Variants in WSCD2 observed in about 807,000 individuals in gnomAD.
WSCD2 encodes the protein WSC domain sialate O sulfotransferase 2, also known as sialate:O-sulfotransferase 2.
A neutral mutation model predicts 55.7 loss-of-function variants in WSCD2; 28 were observed. The ratio of observed to expected loss-of-function variants is 0.50; its 90% CI spans 0.37 to 0.69. WSCD2 has a LOEUF of 0.69. Ranked by LOEUF, WSCD2 falls within the 30% of genes least tolerant of loss-of-function variation. The pLI is 0.00. For missense variants in WSCD2, 616 were observed against 762.1 expected, an observed-to-expected ratio of 0.81 and a Z score of 2.26; for synonymous variants, 301 against 301.9, an observed-to-expected ratio of 1.00 and a Z score of 0.03.
At chr12:108,232,225 C>T (rs1263153179) in intron 6 of WSCD2, among the ~76,000 whole-genome samples, 1 of 152,172 alleles carries the variant, frequency 6.6e-6, no homozygotes, top group Non-Finnish European at 1.5e-5. Flanking sequence ...TTTTCTCTAG[C>T]CCTCAGTTTT....
intron 1 of WSCD2, among the ~76,000 whole-genome samples, chr12:108,151,923 C>T (rs975432293): frequency 6.6e-6 from 1 of 152,226 alleles, no homozygotes; most frequent in African/African-American, 2.4e-5. Flanking sequence ...TCTCTCAGCT[C>T]CCTCCCAGCC....
intron 2 of WSCD2, among the ~76,000 whole-genome samples, chr12:108,202,646 G>T (rs1171965397): frequency 6.6e-6 from 1 of 152,214 alleles, no homozygotes; most frequent in Admixed American, 6.5e-5. Context: ...AGTGGGAGCT[G>T]AGTGATGAGA....
Position 108,248,009 on chromosome 12 carries a change from G to T in WSCD2, c.1364G>T (p.Arg455Met), listed in dbSNP as rs1263371018. 3 of 1,612,744 alleles carry T rather than the reference G, an allele frequency of 1.9e-6. No individual in the cohort carries two copies. Among genetic ancestry groups the T allele is most frequent in the Non-Finnish European group, 2.5e-6 (3 of 1,178,942 alleles). The stretch of plus-strand genomic sequence containing the variant: ...TCTGCAGAGTGGCCAGAGTTCGTGA[G>T]GAACTATGCCCCGTGGTGGGCCACT... ...WKGKEWPEFV[R>M]NYAPWWATHT... is the part of the protein sequence containing the mutation. Residue 455 changes from arginine (R) to methionine (M), a missense_variant, in exon 9 of 9, where the codon AGG becomes ATG. Around this residue, in one of 3 missense-constraint regions of WSCD2, gnomAD observed 234 missense variants for 264.6 expected, o/e 0.88. Coordinates refer to ENST00000547525, the MANE Select transcript of WSCD2 (RefSeq NM_014653.4). This position sits in a 1 kb window ranked among gnomAD's most constrained non-coding sequence, Gnocchi z 4.3.
chr12:108,216,178 C>T (rs1378273538), intron 4 of WSCD2, among the ~76,000 whole-genome samples: 1 of 152,114 alleles, frequency 6.6e-6, no homozygotes, highest in African/African-American at 2.4e-5. Context: ...GGGTCAAATC[C>T]CAGCTCTGCT....
chr12:108,237,457 C>T (rs930082673), intron 7 of WSCD2, among the ~76,000 whole-genome samples: 3 of 152,198 alleles, frequency 2.0e-5, no homozygotes, highest in Non-Finnish European at 4.4e-5. Flanking sequence ...GATGCTGGAT[C>T]CTGGGTGTTA....
chr12:108,216,686 T>C (rs1199374190), intron 4 of WSCD2, among the ~76,000 whole-genome samples: 2 of 152,208 alleles, frequency 1.3e-5, no homozygotes, highest in Admixed American at 1.3e-4. Flanking sequence ...AGGTCTCTAG[T>C]GAGGACAATG....
intron 3 of WSCD2, among the ~76,000 whole-genome samples, chr12:108,208,258 A>T (rs1470412948): frequency 6.6e-6 from 1 of 152,256 alleles, no homozygotes; most frequent in Non-Finnish European, 1.5e-5. Flanking sequence ...TATAACAGTT[A>T]AAAAGCACTT....
chr12:108,152,869 A>G (rs971123794), intron 1 of WSCD2, among the ~76,000 whole-genome samples: 1 of 152,180 alleles, frequency 6.6e-6, no homozygotes, highest in South Asian at 2.1e-4. Flanking sequence ...GAGAGAAGCC[A>G]AGGTGGGCAG....
At chr12:108,158,261 G>A (rs1323464164) in intron 1 of WSCD2, among the ~76,000 whole-genome samples, 2 of 152,216 alleles carry the variant, frequency 1.3e-5, no homozygotes, top group Non-Finnish European at 2.9e-5. Context: ...AGAGGCGTGG[G>A]TGATAGCAGC....
intron 1 of WSCD2, among the ~76,000 whole-genome samples, chr12:108,157,389 G>A (rs1331242398): frequency 6.6e-6 from 1 of 152,080 alleles, no homozygotes; most frequent in Non-Finnish European, 1.5e-5. Flanking sequence ...CAGTCTTTGG[G>A]TTTTGACAAG....
At chr12:108,134,695 T>A (rs1875989637) in intron 1 of WSCD2, among the ~76,000 whole-genome samples, 1 of 152,218 alleles carries the variant, frequency 6.6e-6, no homozygotes, top group African/African-American at 2.4e-5. Flanking sequence ...CAGAGGTGCA[T>A]AATGAACACC....
intron 1 of WSCD2, among the ~76,000 whole-genome samples, chr12:108,187,919 C>T (rs1362579460): frequency 6.6e-6 from 1 of 152,132 alleles, no homozygotes; most frequent in Non-Finnish European, 1.5e-5. Context: ...CCATAGTGGC[C>T]CACCCTGACC....
intron 2 of WSCD2, among the ~76,000 whole-genome samples, chr12:108,204,672 C>T (rs1885112153): frequency 6.6e-6 from 1 of 152,210 alleles, no homozygotes; most frequent in African/African-American, 2.4e-5. Context: ...GGAGATGATG[C>T]TTCTTTTAAA....
At chr12:108,137,564 C>G (rs143764393) in intron 1 of WSCD2, among the ~76,000 whole-genome samples, 2 of 152,174 alleles carry the variant, frequency 1.3e-5, no homozygotes, top group Non-Finnish European at 2.9e-5. Flanking sequence ...TACAAAACTA[C>G]GAAGCATGGA....
chr12:108,244,845 T>C (rs542052009), intron 8 of WSCD2, among the ~76,000 whole-genome samples: 2 of 152,154 alleles, frequency 1.3e-5, no homozygotes, highest in Non-Finnish European at 2.9e-5. Context: ...GCTCTATTTT[T>C]TCTTTTTAAA....
rs912701807 is a variant in WSCD2 at position 108,250,013 on chromosome 12, A to G, written c.*1670A>G. 2 of 152,594 alleles carry G rather than the reference A, an allele frequency of 1.3e-5. No homozygotes were observed. The highest frequency in any genetic ancestry group is 4.8e-5 in the African/African-American group (2 of 41,460). 9.5% of individuals were successfully genotyped at this position (152,594 alleles called of 1,614,324 possible). On this transcript the variant is annotated 3_prime_UTR_variant, in exon 9 of 9. Coordinates refer to ENST00000547525, the MANE Select transcript of WSCD2 (RefSeq NM_014653.4). ...CTCTCTCTGGGAGACTCTTGGTCCA[A>G]GACCTGGGTCAGTTCTTTGCTGGTG...
rs983023794 is a variant in WSCD2 at position 108,250,280 on chromosome 12, G to A, written c.*1937G>A. The A allele has an allele frequency of 7.2e-5, 11 of 152,054 alleles. No individual in the cohort carries two copies. Among genetic ancestry groups the A allele is most frequent in the Non-Finnish European group, 2.9e-5 (2 of 68,050 alleles). 9.4% of individuals were successfully genotyped at this position (152,054 alleles called of 1,614,324 possible). ...GACAGAGAGAGAGACAAGAAACAGAGATAGACAGAAAATGTTCGGGGTGGC... is the reference window on the plus strand; with the variant it reads ...GACAGAGAGAGAGACAAGAAACAGAAATAGACAGAAAATGTTCGGGGTGGC... On this transcript the variant is annotated 3_prime_UTR_variant, in exon 9 of 9. Coordinates refer to ENST00000547525, the MANE Select transcript of WSCD2 (RefSeq NM_014653.4).
At chr12:108,162,133 A>G (rs1879127298) in intron 1 of WSCD2, among the ~76,000 whole-genome samples, 1 of 152,206 alleles carries the variant, frequency 6.6e-6, no homozygotes, top group Non-Finnish European at 1.5e-5. Flanking sequence ...GCCCTTGGCC[A>G]CAGAATACTG....
At chr12:108,225,010 C>A in intron 5 of WSCD2, 150 bp downstream of exon 5, 1 of 1,200,728 alleles carries the variant, frequency 8.3e-7, no homozygotes, top group Non-Finnish European at 1.1e-6. Flanking sequence ...GGGATGTGAC[C>A]ATTTCACGTG....
Sources: gnomAD v4.1 joint callset for allele counts (sites outside exome capture counted in the v4.1 genomes callset) on GRCh38, gnomAD v4.1.1 for gene constraint, gnomAD v4.1.1 regional missense constraint, Gnocchi (gnomAD v3.1) non-coding constraint, MANE v1.5 for transcripts, NCBI Gene and HGNC (gene_info 2026-07-23, HGNC 2026-07-21) for gene names.